The following PDE6B variants were observed in gnomAD, a reference collection of about 807,000 sequenced individuals.
PDE6B encodes the protein phosphodiesterase 6B.
In PDE6B, 106 loss-of-function variants were observed where a neutral mutation model predicts 109.0. The observed-to-expected ratio is 0.97, with a 90% CI of 0.83 to 1.14. The LOEUF (loss-of-function observed/expected upper bound fraction) is 1.14. PDE6B is among the 50% of genes most tolerant of loss of function. The pLI is 0.00. For missense variants in PDE6B, 1,193 were observed against 1,155.6 expected (o/e 1.03, Z -0.47); for synonymous variants, 490 against 471.3 (o/e 1.04, Z -0.51).
intron 2 of PDE6B, 100 bp from the exon 3 acceptor site, chr4:635,779 TG>T: frequency 1.4e-6 from 1 of 740,486 alleles, no homozygotes; most frequent in South Asian, 1.4e-5. Context: ...CTGGCGTGTC[TG>T]GGCACCCTCA....
At chr4:653,692 G>A (rs954289605) in intron 3 of PDE6B, 160 bp from the exon 4 acceptor site, 11 of 830,460 alleles carry the variant, frequency 1.3e-5, no homozygotes, top group Admixed American at 1.0e-4. Context: ...ACCTGGCCAC[G>A]GAGCCACCAA....
chr4:663,062 A>C lies in PDE6B; in HGVS notation c.1833-38A>C, dbSNP rs752532691. 4 of 1,177,226 alleles carry C rather than the reference A, an allele frequency of 3.4e-6. No individual in the cohort carries two copies. The Admixed American group carries it at 6.7e-5, about 20-fold the overall frequency. 72.9% of individuals were successfully genotyped at this position (1,177,226 alleles called of 1,614,324 possible). A position where few individuals can be genotyped will look rare whatever the true frequency, so the allele number is the denominator to read the frequency against. ...GCAGAGCGCAGGGTGGGCCAAGGGC[A>C]GGTCCCACGGGCCTCACCTCCACCA... On this transcript the variant is annotated intron_variant, in intron 14 of 21. Coordinates refer to ENST00000496514, the MANE Select transcript of PDE6B (RefSeq NM_000283.4). This position sits in a 1 kb window ranked among gnomAD's most constrained non-coding sequence, Gnocchi z 4.0.
At chr4:632,269 TG>T (rs1256509264) in intron 1 of PDE6B, among the ~76,000 whole-genome samples, 1 of 150,910 alleles carries the variant, frequency 6.6e-6, no homozygotes, top group Non-Finnish European at 1.5e-5. Flanking sequence ...TGGCACTGTC[TG>T]GGGGTCACGT....
chr4:667,965 T>G lies in PDE6B; in HGVS notation c.2462T>G (p.Leu821Arg). Residue 821 changes from leucine (L) to arginine (R), a missense_variant, in exon 21 of 22, where the codon CTG becomes CGG. Coordinates refer to ENST00000496514, the MANE Select transcript of PDE6B (RefSeq NM_000283.4). Reference protein sequence around the residue: ...ADEYEAKVKALEEKEEEERVA... With the variant: ...ADEYEAKVKAREEKEEEERVA... ...GAGTATGAGGCCAAAGTGAAGGCTC[T>G]GGAGGAGAAGGAGGAGGAGGAGAGG... is the stretch of plus-strand genomic sequence containing the variant. 6.2e-7 allele frequency: 1 copy of G among 1,613,060 alleles called. No homozygotes were observed. Among genetic ancestry groups the G allele is most frequent in the Non-Finnish European group, 8.5e-7 (1 of 1,179,652 alleles).
chr4:627,971 G>A (rs1036720207), intron 1 of PDE6B, among the ~76,000 whole-genome samples: 1 of 151,930 alleles, frequency 6.6e-6, no homozygotes, highest in Non-Finnish European at 1.5e-5. Flanking sequence ...TCTAGGTCCT[G>A]CCACCCCCAC....
chr4:660,926 CAAAG>C (rs553828981), intron 12 of PDE6B, among the ~76,000 whole-genome samples: 82 of 17,972 alleles, frequency 4.6e-3, no homozygotes, highest in African/African-American at 0.016. Context: ...CAGAAAGAAA[CAAAG>C]GAAGAATAAA....
intron 8 of PDE6B, 49 bp from the exon 9 acceptor site, chr4:656,825 C>G (rs752895453): frequency 6.2e-7 from 1 of 1,602,214 alleles, no homozygotes; most frequent in African/African-American, 1.3e-5. Flanking sequence ...CACGCCCGGG[C>G]CAGGGCCAGC....
Position 662,186 on chromosome 4 carries a change from A to G in PDE6B, c.1667A>G (p.Tyr556Cys), listed in dbSNP as rs755577875. Residue 556 changes from tyrosine (Y) to cysteine (C), a missense_variant, in exon 13 of 22, where the codon TAC (tyrosine) becomes TGC (cysteine). Tyr to Cys is a radical substitution (Grantham distance 194). Coordinates refer to ENST00000496514, the MANE Select transcript of PDE6B (RefSeq NM_000283.4). This position sits in a 1 kb window ranked among gnomAD's most constrained non-coding sequence, Gnocchi z 4.3. ...AGCAAAGGGTACCGGAGAATCACCT[A>G]CCACAACTGGCGCCACGGCTTCAAC... The part of the protein sequence containing the change: ...SISKGYRRIT[Y>C]HNWRHGFNVA... 2 of 1,581,740 alleles carry G rather than the reference A, an allele frequency of 1.3e-6. No homozygotes were observed. Among genetic ancestry groups the G allele is most frequent in the Non-Finnish European group, 1.7e-6 (2 of 1,164,142 alleles).
intron 6 of PDE6B, 82 bp downstream of exon 6, chr4:654,970 C>A: frequency 1.2e-6 from 1 of 863,388 alleles, no homozygotes; most frequent in African/African-American, 1.6e-5. Context: ...GGCCGTCCTC[C>A]CAGGGCTTCC....
intron 5 of PDE6B, 72 bp downstream of exon 5, chr4:654,226 A>T: frequency 7.5e-7 from 1 of 1,328,150 alleles, no homozygotes; most frequent in Non-Finnish European, 1.1e-6. Flanking sequence ...CCAGGGCAGG[A>T]GAGGGAGGGA....
chr4:666,439 G>A lies in PDE6B; in HGVS notation c.2269-92G>A. On this transcript the variant is annotated intron_variant, in intron 19 of 21. Transcript: ENST00000496514. This position sits in a 1 kb window ranked among gnomAD's most constrained non-coding sequence, Gnocchi z 5.6. ...CTCGTCCCAGGCTGTGTCTCCATGA[G>A]CACATCTGAGTGAGGGGGTCGGGGG... 1 of 826,790 alleles carries A rather than the reference G, an allele frequency of 1.2e-6. No homozygotes were observed. Among genetic ancestry groups the A allele is most frequent in the Non-Finnish European group, 2.1e-6 (1 of 469,574 alleles). 51.2% of individuals were successfully genotyped at this position (826,790 alleles called of 1,614,324 possible).
chr4:626,348 C>T lies in PDE6B; in HGVS notation c.468+254C>T, dbSNP rs1357440779. Among the ~76,000 whole-genome samples, 1 of 152,208 alleles carries T rather than the reference C, an allele frequency of 6.6e-6. No individual in the cohort carries two copies. Among genetic ancestry groups the T allele is most frequent in the African/African-American group, 2.4e-5 (1 of 41,458 alleles). Reference sequence around the variant, plus strand: ...AGTTGGTTAGACCTGAGTCTAGGAGCCTCGGCTGAAGCAGACTCAGGCTCA... The same window carrying T: ...AGTTGGTTAGACCTGAGTCTAGGAGTCTCGGCTGAAGCAGACTCAGGCTCA... On this transcript the variant is annotated intron_variant, in intron 1 of 21. Coordinates refer to ENST00000496514, the MANE Select transcript of PDE6B (RefSeq NM_000283.4). This position sits in a 1 kb window ranked among gnomAD's most constrained non-coding sequence, Gnocchi z 4.6.
rs745739451 is a variant in PDE6B at position 654,123 on chromosome 4, C to T, written c.896C>T (p.Pro299Leu). 6.8e-6 allele frequency: 11 copies of T among 1,613,734 alleles called. No homozygotes were observed. Among genetic ancestry groups the T allele is most frequent in the Admixed American group, 3.3e-5 (2 of 60,004 alleles). The change falls in exon 5 of 22, where the codon CCG becomes CTG. Residue 299 changes from proline to leucine, a missense_variant. Pro to Leu is a moderately conservative substitution (Grantham distance 98). Coordinates refer to ENST00000496514, the MANE Select transcript of PDE6B (RefSeq NM_000283.4). ...VWSVLMGESQ[P>L]YSGPRTPDGR... ...TCTGTGCTGATGGGAGAGTCCCAGC[C>T]GTACTCGGGCCCACGCACGCCTGAT...
At chr4:632,279 G>A (rs570397999) in intron 1 of PDE6B, among the ~76,000 whole-genome samples, 191 of 146,688 alleles carry the variant, frequency 1.3e-3, no homozygotes, top group African/African-American at 4.7e-3. Context: ...TGGGGGTCAC[G>A]TTGTGTGGAT....
At chr4:641,048 A>AGTTTATTT (rs1418324009) in intron 3 of PDE6B, among the ~76,000 whole-genome samples, 1 of 152,242 alleles carries the variant, frequency 6.6e-6, no homozygotes, top group Non-Finnish European at 1.5e-5. Context: ...AAACCTTAAG[A>AGTTTATTT]GTCAGTTTGT....
chr4:625,793 G>A lies in PDE6B; in HGVS notation c.167G>A (p.Ser56Asn). The part of the protein sequence containing the change: ...SLRDLCQVEE[S>N]TALLELVQDM... ...CGGGACCTCTGCCAGGTGGAGGAGA[G>A]CACGGCGCTGCTGGAGCTGGTGCAG... Residue 56 changes from serine to asparagine, a missense_variant, in exon 1 of 22, where the codon AGC (serine) becomes AAC (asparagine). Ser to Asn is a conservative substitution (Grantham distance 46). Transcript: ENST00000496514. This position sits in a 1 kb window ranked among gnomAD's most constrained non-coding sequence, Gnocchi z 5.0. 1 of 1,613,382 alleles carries A rather than the reference G, an allele frequency of 6.2e-7. No homozygotes were observed. The highest frequency in any genetic ancestry group is 8.5e-7 in the Non-Finnish European group (1 of 1,179,936).
At position 662,416 on chromosome 4, in the gene PDE6B, C is replaced by T. The variant is rs891890165; in HGVS notation, c.1723-93C>T. 4.2e-6 allele frequency: 4 copies of T among 954,912 alleles called. No individual in the cohort carries two copies. Among genetic ancestry groups the T allele is most frequent in the African/African-American group, 3.2e-5 (2 of 61,974 alleles). 59.2% of individuals were successfully genotyped at this position (954,912 alleles called of 1,614,324 possible). A position where few individuals can be genotyped will look rare whatever the true frequency, so the allele number is the denominator to read the frequency against. On this transcript the variant is annotated intron_variant, in intron 13 of 21. Transcript: ENST00000496514. The surrounding 1 kb of genome is among the most constrained non-coding windows in gnomAD (Gnocchi z 4.3). ...AGCCCTGCGGTGGTCGGAGGTCCAA[C>T]CTCCAACCCGACGCCTAGGTCATCC...
In PDE6B at chr4:666,560, G is replaced by T. The variant is rs747972385; in HGVS notation, c.2298G>T (p.Glu766Asp). ...TGATGGACCGGAACAAGGCGGCCGA[G>T]CTCCCCAAGCTGCAAGTGGGCTTCA... ...IPMMDRNKAA[E>D]LPKLQVGFID... is the part of the protein sequence containing the mutation. Residue 766 changes from glutamate to aspartate, a missense_variant, in exon 20 of 22, where the codon GAG becomes GAT. Glu to Asp is a conservative substitution (Grantham distance 45, BLOSUM62 2). Transcript: ENST00000496514. The surrounding 1 kb of genome is among the most constrained non-coding windows in gnomAD (Gnocchi z 5.6). The T allele has an allele frequency of 3.1e-6, 5 of 1,613,084 alleles. No homozygotes were observed. Among genetic ancestry groups the T allele is most frequent in the African/African-American group, 2.7e-5 (2 of 74,900 alleles).
chr4:632,399 G>A (rs760017035), intron 1 of PDE6B, among the ~76,000 whole-genome samples: 18 of 150,340 alleles, frequency 1.2e-4, no homozygotes, highest in South Asian at 6.4e-4. Context: ...ATGTGGTGCC[G>A]TCTGAGGGTT....
Sources: allele counts gnomAD v4.1 joint callset (sites outside exome capture counted in the v4.1 genomes callset), GRCh38; gene constraint gnomAD v4.1.1; non-coding constraint Gnocchi (gnomAD v3.1); transcripts MANE v1.5; gene names NCBI Gene and HGNC (gene_info 2026-07-23, HGNC 2026-07-21).